The following NF1 variants were observed in gnomAD, a reference collection of about 807,000 sequenced individuals.
NF1 encodes neurofibromin.
In NF1, 122 loss-of-function variants were observed where a neutral mutation model predicts 325.7. The ratio of observed to expected loss-of-function variants is 0.37; its 90% confidence interval spans 0.32 to 0.44. NF1 has a LOEUF of 0.44. Ranked by LOEUF, NF1 falls within the 20% of genes least tolerant of loss-of-function variation. The pLI is 1.00. For synonymous variants in NF1, 1,091 were observed against 1,186.0 expected, an observed-to-expected ratio of 0.92 and a Z score of 1.65; for missense variants, 2,140 against 3,415.4, an observed-to-expected ratio of 0.63 and a Z score of 9.31.
chr17:31,298,941 A>G (rs1483224831), intron 36 of NF1, among the ~76,000 whole-genome samples: 1 of 152,110 alleles, frequency 6.6e-6, no homozygotes, highest in African/African-American at 2.4e-5. Context: ...TACACTTAAC[A>G]GTACTTTTGT....
chr17:31,297,096 TAAAAG>T (rs978978855), intron 36 of NF1: 5 of 152,356 alleles, frequency 3.3e-5, no homozygotes, highest in East Asian at 1.9e-4. Flanking sequence ...GACTTTTTCT[TAAAAG>T]AAAAAGGAAA....
At chr17:31,270,015 A>G (rs2067861698) in intron 36 of NF1, among the ~76,000 whole-genome samples, 1 of 152,242 alleles carries the variant, frequency 6.6e-6, no homozygotes, top group East Asian at 1.9e-4. Context: ...GAATGAGGCA[A>G]AATGGATACT....
At chr17:31,282,713 T>G in intron 36 of NF1, among the ~76,000 whole-genome samples, 1 of 152,222 alleles carries the variant, frequency 6.6e-6, no homozygotes, top group Non-Finnish European at 1.5e-5. Context: ...TGAATAATAT[T>G]CTATTGTATT....
Position 31,357,330 on chromosome 17 carries a change from C to G in NF1, c.7931C>G (p.Ala2644Gly), listed in dbSNP as rs766494934. ...CAACGAATTCTTTATGAATACTTAG[C>G]AGAGGCCAGTGTTGTGTTTCCCAAA... ...FDQRILYEYL[A>G]EASVVFPKVF... The change falls in exon 54 of 58, where the codon GCA (alanine) becomes GGA (glycine). Residue 2644 changes from alanine to glycine, a missense_variant. Ala to Gly is a moderately conservative substitution (Grantham distance 60). This residue lies in a region of NF1 where 522 missense variants were observed against 749.0 expected (regional missense o/e 0.70). Transcript: ENST00000358273. 3 of 1,613,830 alleles carry G rather than the reference C, an allele frequency of 1.9e-6. No homozygotes were observed. The highest frequency in any genetic ancestry group is 2.5e-6 in the Non-Finnish European group (3 of 1,179,898).
Position 31,280,216 on chromosome 17 carries a change from T to TA in NF1, c.4835+14877_4835+14878insA, listed in dbSNP as rs200750000. 4.6e-3 allele frequency among the ~76,000 whole-genome samples: 633 copies of TA among 137,614 alleles called. 4 individuals carry two copies. Among genetic ancestry groups the TA allele is most frequent in the African/African-American group, 0.016 (591 of 37,772 alleles). The allele number at this position is 137,614 out of a possible 152,430, so 90.3% of individuals were successfully genotyped here. A position where few individuals can be genotyped will look rare whatever the true frequency, so the allele number is the denominator to read the frequency against. ...CATATAAAGTTTTTTTTTAATTTTT[T>TA]TTTTTTTTAAAAAAGAAAGAAATGT... On this transcript the variant is annotated intron_variant, in intron 36 of 57. Transcript: ENST00000358273.
At chr17:31,183,480 G>A (rs2066175540) in intron 8 of NF1, 1 of 152,204 alleles carries the variant, frequency 6.6e-6, no homozygotes, top group Non-Finnish European at 1.5e-5. Flanking sequence ...ATCCTTGAGA[G>A]TCTGTGATTG....
intron 1 of NF1, among the ~76,000 whole-genome samples, chr17:31,112,206 A>G (rs1009676471): frequency 1.3e-5 from 2 of 152,098 alleles, no homozygotes; most frequent in Non-Finnish European, 2.9e-5. Context: ...ACTGAAGACA[A>G]CTCAAATTTT....
At chr17:31,112,758 T>A (rs1023954509) in intron 1 of NF1, among the ~76,000 whole-genome samples, 2 of 152,196 alleles carry the variant, frequency 1.3e-5, no homozygotes, top group Non-Finnish European at 2.9e-5. Context: ...ATGTTCTTAA[T>A]TTTTCTGAAG....
rs1060503891 is a variant in NF1, at chr17:31,229,198, A to G, written c.2583A>G (p.Ala861=). The G allele has an allele frequency of 7.4e-6, 12 of 1,612,000 alleles. No individual in the cohort carries two copies. The highest frequency in any genetic ancestry group is 1.0e-5 in the Non-Finnish European group (12 of 1,179,838). ...AGCAGAGAAGCAATTCTGGCCTGGC[A>G]ACCTATAGCCCACCCATGGGTCCAG... ...CLQQRSNSGL[A]TYSPPMGPVS... Residue 861 remains alanine, a synonymous_variant, in exon 21 of 58, where the codon GCA becomes GCG. Coordinates refer to ENST00000358273, the MANE Select transcript of NF1 (RefSeq NM_001042492.3).
chr17:31,097,719 C>G (rs1345326012), intron 1 of NF1, among the ~76,000 whole-genome samples: 1 of 150,910 alleles, frequency 6.6e-6, no homozygotes. Context: ...TTTTTTGAGA[C>G]AAGGTCTTGC....
chr17:31,102,347 CTTA>C (rs35244650), intron 1 of NF1, among the ~76,000 whole-genome samples: 80,572 of 151,406 alleles, frequency 0.53, 25,474 homozygotes, highest in Middle Eastern at 0.76. Context: ...TTCTTTATAG[CTTA>C]TTATTATTAT....
chr17:31,230,406 A>G (rs1163828805), intron 23 of NF1, 24 bp downstream of exon 23: 1 of 1,612,634 alleles, frequency 6.2e-7, no homozygotes, highest in Admixed American at 1.7e-5. Flanking sequence ...AGAGCAATGT[A>G]GGGTCTTGTA....
At chr17:31,271,744 C>A (rs2067902221) in intron 36 of NF1, among the ~76,000 whole-genome samples, 1 of 152,074 alleles carries the variant, frequency 6.6e-6, no homozygotes, top group African/African-American at 2.4e-5. Context: ...GAGTGAAACT[C>A]TGTCTCAAAA....
intron 1 of NF1, among the ~76,000 whole-genome samples, chr17:31,115,811 G>A (rs1707209581): frequency 6.6e-6 from 1 of 152,190 alleles, no homozygotes. Context: ...TGTAGGCAGG[G>A]AATGCATATT....
At chr17:31,267,123 GTT>G (rs922836213) in intron 36 of NF1, among the ~76,000 whole-genome samples, 3 of 151,972 alleles carry the variant, frequency 2.0e-5, no homozygotes, top group Admixed American at 6.6e-5. Flanking sequence ...TAGAGATGGG[GTT>G]TCACCATATT....
At chr17:31,366,310 C>T (rs1272836838) in intron 57 of NF1, among the ~76,000 whole-genome samples, 3 of 152,036 alleles carry the variant, frequency 2.0e-5, no homozygotes, top group East Asian at 1.9e-4. Flanking sequence ...AGTATTGGTG[C>T]GTGAATTTTT....
chr17:31,236,462 C>G (rs1348197170), intron 29 of NF1, among the ~76,000 whole-genome samples: 1 of 152,072 alleles, frequency 6.6e-6, no homozygotes, highest in Admixed American at 6.6e-5. Context: ...AAATTTGAGA[C>G]AGAGTCTCAC....
intron 31 of NF1, among the ~76,000 whole-genome samples, chr17:31,255,452 C>T (rs1056187318): frequency 1.1e-4 from 17 of 151,760 alleles, no homozygotes; most frequent in African/African-American, 2.2e-4. Context: ...AGTTGACTTA[C>T]GAAACTTGTT....
chr17:31,227,323 A>T (rs2151427098), intron 19 of NF1, 32 bp downstream of exon 19: 1 of 1,607,298 alleles, frequency 6.2e-7, no homozygotes, highest in Non-Finnish European at 8.5e-7. Context: ...CACCCCTCCC[A>T]GGCGCCCACC....
Sources: gnomAD v4.1 joint callset for allele counts (sites outside exome capture counted in the v4.1 genomes callset) on GRCh38, gnomAD v4.1.1 for gene constraint, gnomAD v4.1.1 regional missense constraint, MANE v1.5 for transcripts, NCBI Gene and HGNC (gene_info 2026-07-23, HGNC 2026-07-21) for gene names.